The following CCDC198 variants were observed in gnomAD, a reference collection of about 807,000 sequenced individuals.
CCDC198 encodes the protein coiled-coil domain containing 198, also known as factor associated with metabolism and energy.
CCDC198 carries 18 observed loss-of-function variants against 35.6 expected under a neutral mutation model. The ratio of observed to expected loss-of-function variants is 0.51; its 90% confidence interval spans 0.35 to 0.75. CCDC198 has a LOEUF of 0.75. Ranked by LOEUF, CCDC198 falls within the 30% of genes least tolerant of loss-of-function variation. The pLI, the probability that CCDC198 is intolerant of heterozygous loss-of-function variation, is 0.01. For missense variants in CCDC198, 365 were observed against 343.7 expected (o/e 1.06, Z -0.49); for synonymous variants, 119 against 113.4 (o/e 1.05, Z -0.31).
At chr14:57,484,752 C>A (rs1357015833) in intron 2 of CCDC198, among the ~76,000 whole-genome samples, 2 of 152,152 alleles carry the variant, frequency 1.3e-5, no homozygotes, top group Non-Finnish European at 2.9e-5. Flanking sequence ...CCTGACAGGC[C>A]ATTAAGATAG....
intron 5 of CCDC198, among the ~76,000 whole-genome samples, chr14:57,478,003 C>T (rs2067060450): frequency 1.3e-5 from 2 of 152,078 alleles, no homozygotes; most frequent in Non-Finnish European, 2.9e-5. Flanking sequence ...TGAGAAGCTC[C>T]TCAGGTGGTT....
At chr14:57,480,121 G>T (rs2067133420) in intron 5 of CCDC198, 1 of 237,968 alleles carries the variant, frequency 4.2e-6, no homozygotes, top group Non-Finnish European at 6.8e-6. Flanking sequence ...AGCTTAGGTT[G>T]GGCAGTGATT....
At chr14:57,480,916 C>G (rs190783572) in intron 4 of CCDC198, among the ~76,000 whole-genome samples, 162 bp from the exon 5 acceptor site, 2 of 152,284 alleles carry the variant, frequency 1.3e-5, no homozygotes, top group Admixed American at 1.3e-4. Context: ...GGTATGGGAA[C>G]TTTATTTATT....
chr14:57,485,513 TAGATTTGGA>T (rs533239565), intron 2 of CCDC198, among the ~76,000 whole-genome samples: 7 of 152,124 alleles, frequency 4.6e-5, no homozygotes, highest in African/African-American at 1.7e-4. Flanking sequence ...ATTAAGGGGG[TAGATTTGGA>T]AGTTAACTTG....
rs755741754 is a variant in CCDC198, at chr14:57,493,702, T to A, written c.14A>T (p.His5Leu). MGLS[H>L]SKTHLRVIKV... ...GATCACCCTAAGGTGAGTCTTAGAG[T>A]GACTCAGGCCCATTTCATGTGAAAG... The change falls in exon 1 of 6, where the codon CAC becomes CTC. Residue 5 changes from histidine (H) to leucine (L), a missense_variant. Coordinates refer to ENST00000216445, the MANE Select transcript of CCDC198 (RefSeq NM_018168.4). 5.0e-6 allele frequency: 8 copies of A among 1,612,260 alleles called. No homozygotes were observed. In the African/African-American group the frequency reaches 5.3e-5, roughly 11 times the overall value.
At chr14:57,482,211 A>G (rs2067211380) in intron 3 of CCDC198, among the ~76,000 whole-genome samples, 2 of 152,228 alleles carry the variant, frequency 1.3e-5, no homozygotes, top group Non-Finnish European at 2.9e-5. Flanking sequence ...CCGCCAGTGC[A>G]TCATAAACTC....
intron 2 of CCDC198, among the ~76,000 whole-genome samples, chr14:57,489,347 G>T (rs2067481299): frequency 6.6e-6 from 1 of 152,068 alleles, no homozygotes; most frequent in African/African-American, 2.4e-5. Flanking sequence ...ACACAGGGAG[G>T]GGAACAACAC....
At chr14:57,482,334 G>T (rs1238583632) in intron 3 of CCDC198, among the ~76,000 whole-genome samples, 1 of 152,166 alleles carries the variant, frequency 6.6e-6, no homozygotes, top group Non-Finnish European at 1.5e-5. Context: ...TTGTGTTGCT[G>T]TGTGGATAGT....
At chr14:57,475,497 A>G in intron 5 of CCDC198, 1 of 1,129,730 alleles carries the variant, frequency 8.9e-7, no homozygotes. Context: ...TCATGAGGTC[A>G]GGAGTTCGAG....
At chr14:57,486,150 G>T (rs553489361) in intron 2 of CCDC198, among the ~76,000 whole-genome samples, 1 of 152,154 alleles carries the variant, frequency 6.6e-6, no homozygotes, top group Non-Finnish European at 1.5e-5. Context: ...GGAAGCTGGG[G>T]AGAACAAATA....
rs538009337 is a variant in CCDC198, at chr14:57,482,981, G to C, written c.393+84C>G. ...GAACTCCTCCATGCAGAGAGTGCATGAAAGGACCAGTGTGCTCCAGTGCCC... is the reference window on the plus strand; with the variant it reads ...GAACTCCTCCATGCAGAGAGTGCATCAAAGGACCAGTGTGCTCCAGTGCCC... On this transcript the variant is annotated intron_variant, in intron 3 of 5. Transcript: ENST00000216445. 1,882 of 1,583,752 alleles carry C rather than the reference G, an allele frequency of 1.2e-3. 4 individuals are homozygous for C. The highest frequency in any genetic ancestry group is 3.6e-3 in the Middle Eastern group (17 of 4,786).
At chr14:57,490,487 T>C (rs1297297161) in intron 2 of CCDC198, among the ~76,000 whole-genome samples, 4 of 152,164 alleles carry the variant, frequency 2.6e-5, no homozygotes, top group African/African-American at 7.2e-5. Flanking sequence ...GTACAGACTT[T>C]GGAGACCTGG....
Position 57,481,434 on chromosome 14 carries a change from C to T in CCDC198, c.495+125G>A, listed in dbSNP as rs2067181694. On this transcript the variant is annotated intron_variant, in intron 4 of 5. Coordinates refer to ENST00000216445, the MANE Select transcript of CCDC198 (RefSeq NM_018168.4). Reference sequence around the variant, plus strand: ...TTCTCAGCTTTAGTAGTTGAACCTTCAACCTCAATGACGAAATTTAAAATG... The same window carrying T: ...TTCTCAGCTTTAGTAGTTGAACCTTTAACCTCAATGACGAAATTTAAAATG... 7.7e-6 allele frequency: 5 copies of T among 649,460 alleles called. No individual in the cohort carries two copies. The Admixed American group carries it at 1.4e-4, about 18-fold the overall frequency. The allele number at this position is 649,460 out of a possible 1,614,324, so 40.2% of individuals were successfully genotyped here.
Position 57,481,597 on chromosome 14 carries a change from T to C in CCDC198, c.457A>G (p.Lys153Glu), listed in dbSNP as rs1445386275. 3 of 1,612,636 alleles carry C rather than the reference T, an allele frequency of 1.9e-6. No individual in the cohort carries two copies. The highest frequency in any genetic ancestry group is 2.5e-6 in the Non-Finnish European group (3 of 1,179,504). ...YTSENRQYLH[K>E]MQVLEMIRKR... ...CGGATCATTTCCAGCACTTGCATCT[T>C]ATGCAAATATTGTCTGTTCTCAGAA... The change falls in exon 4 of 6, where the codon AAG becomes GAG. Residue 153 changes from lysine (K) to glutamate (E), a missense_variant. By Grantham distance (56) the Lys-to-Glu change is moderately conservative. Coordinates refer to ENST00000216445, the MANE Select transcript of CCDC198 (RefSeq NM_018168.4).
intron 5 of CCDC198, among the ~76,000 whole-genome samples, chr14:57,472,148 G>A (rs1346860873): frequency 1.3e-5 from 2 of 151,976 alleles, no homozygotes; most frequent in African/African-American, 2.4e-5. Context: ...TTTGCTGTTT[G>A]TGTTTTAATC....
chr14:57,483,286 C>G (rs1477087849), intron 2 of CCDC198, 135 bp from the exon 3 acceptor site: 1 of 1,312,080 alleles, frequency 7.6e-7, no homozygotes, highest in East Asian at 2.5e-5. Flanking sequence ...AAAGGTGATT[C>G]TAACAGCATT....
chr14:57,493,103 A>G (rs984881661), intron 1 of CCDC198, among the ~76,000 whole-genome samples: 10 of 152,294 alleles, frequency 6.6e-5, no homozygotes, highest in South Asian at 4.1e-4. Context: ...GCATTAAACT[A>G]TACTGGAGAG....
At chr14:57,490,789 G>A (rs373861222) in intron 2 of CCDC198, among the ~76,000 whole-genome samples, 200 bp downstream of exon 2, 1 of 152,048 alleles carries the variant, frequency 6.6e-6, no homozygotes, top group East Asian at 1.9e-4. Flanking sequence ...TCTTTCGGTG[G>A]CTGGTCTTAA....
chr14:57,481,719 C>G, intron 3 of CCDC198, 59 bp from the exon 4 acceptor site: 1 of 1,057,226 alleles, frequency 9.5e-7, no homozygotes, highest in Non-Finnish European at 1.4e-6. Context: ...CTGCAATTCA[C>G]AAGTTTAGAT....
Sources: allele counts gnomAD v4.1 joint callset (sites outside exome capture counted in the v4.1 genomes callset), GRCh38; gene constraint gnomAD v4.1.1; transcripts MANE v1.5; gene names NCBI Gene and HGNC (gene_info 2026-07-23, HGNC 2026-07-21).